The following SEC24A variants were observed in gnomAD, a reference collection of about 807,000 sequenced individuals.
SEC24A encodes the protein SEC24 homolog A, COPII component.
A neutral mutation model predicts 129.4 loss-of-function variants in SEC24A; 93 were observed. That is an observed-to-expected ratio of 0.72 (90% CI 0.61 to 0.85). The LOEUF (loss-of-function observed/expected upper bound fraction) is 0.85. SEC24A is among the 40% of genes least tolerant of loss of function. The probability of loss-of-function intolerance (pLI) is 0.00; values close to 1 mark genes in which losing one functional copy is unlikely to be tolerated. For synonymous variants in SEC24A, 460 were observed against 467.3 expected, an observed-to-expected ratio of 0.98 and a Z score of 0.20; for missense variants, 1,264 against 1,307.4, an observed-to-expected ratio of 0.97 and a Z score of 0.51.
intron 19 of SEC24A, among the ~76,000 whole-genome samples, chr5:134,716,779 CAAT>C (rs1752487862): frequency 1.3e-5 from 1 of 79,964 alleles, no homozygotes. Context: ...GCCTGAGTGA[CAAT>C]AGAGCAAGAT....
chr5:134,722,192 G>T (rs1752645611), intron 21 of SEC24A, among the ~76,000 whole-genome samples: 2 of 151,838 alleles, frequency 1.3e-5, no homozygotes, highest in Non-Finnish European at 2.9e-5. Context: ...CTACTTTGGT[G>T]TAACAATGGC....
chr5:134,671,618 T>C (rs1750866018), intron 3 of SEC24A, among the ~76,000 whole-genome samples, 191 bp from the exon 4 acceptor site: 1 of 152,224 alleles, frequency 6.6e-6, no homozygotes, highest in African/African-American at 2.4e-5. Flanking sequence ...TTCCTTTCCC[T>C]GAAGTTGCAG....
At chr5:134,712,883 G>T (rs1580737041) in intron 18 of SEC24A, among the ~76,000 whole-genome samples, 3 of 136,752 alleles carry the variant, frequency 2.2e-5, no homozygotes, top group East Asian at 4.5e-4. Context: ...CTCCCAAATT[G>T]TTGGGATTAC....
intron 20 of SEC24A, 46 bp from the exon 21 acceptor site, chr5:134,720,951 AC>A (rs1232987708): frequency 9.9e-7 from 1 of 1,014,438 alleles, no homozygotes; most frequent in Non-Finnish European, 1.6e-6. Context: ...CAACAGACTC[AC>A]CTTTATGTAT....
chr5:134,650,963 C>T (rs990195728), intron 1 of SEC24A, among the ~76,000 whole-genome samples: 2 of 151,824 alleles, frequency 1.3e-5, no homozygotes, highest in Middle Eastern at 3.4e-3. Context: ...TTAGTAGAGA[C>T]GGGGTTTCAC....
At chr5:134,718,503 A>G (rs1227344254) in intron 20 of SEC24A, among the ~76,000 whole-genome samples, 1 of 152,160 alleles carries the variant, frequency 6.6e-6, no homozygotes, top group Non-Finnish European at 1.5e-5. Context: ...AGATCTTATT[A>G]TCATAGGAGA....
intron 5 of SEC24A, 132 bp downstream of exon 5, chr5:134,674,907 C>G (rs906178647): frequency 4.4e-5 from 49 of 1,104,660 alleles, no homozygotes; most frequent in East Asian, 2.9e-4. Flanking sequence ...TTTCATAAAG[C>G]CTTTGTCTTT....
intron 15 of SEC24A, chr5:134,701,241 G>C (rs1345344590): frequency 6.6e-6 from 1 of 152,168 alleles, no homozygotes; most frequent in Non-Finnish European, 1.5e-5. Context: ...TTCTCTGTAT[G>C]GTTCTAATTT....
intron 16 of SEC24A, among the ~76,000 whole-genome samples, chr5:134,705,103 T>TTTTA (rs1554141323): frequency 1.4e-5 from 2 of 140,440 alleles, no homozygotes; most frequent in African/African-American, 5.2e-5. Flanking sequence ...TTTTTTTTTT[T>TTTTA]AATTAATTTA....
intron 22 of SEC24A, 129 bp downstream of exon 22, chr5:134,723,799 C>T: frequency 1.7e-6 from 1 of 599,410 alleles, no homozygotes; most frequent in African/African-American, 1.9e-5. Context: ...TAAATCATAC[C>T]TTATATCCAA....
chr5:134,724,417 C>T (rs1362018832), intron 22 of SEC24A, among the ~76,000 whole-genome samples: 2 of 151,992 alleles, frequency 1.3e-5, no homozygotes, highest in African/African-American at 4.8e-5. Flanking sequence ...GGAGAAACCC[C>T]GTCTCTACTA....
chr5:134,701,515 T>C (rs77824659), intron 15 of SEC24A, among the ~76,000 whole-genome samples: 2 of 2,428 alleles, frequency 8.2e-4, no homozygotes, highest in African/African-American at 8.9e-3. Flanking sequence ...TTTGCCCTCT[T>C]TTTTTTTTTT....
At chr5:134,705,137 C>T (rs1752122873) in intron 16 of SEC24A, among the ~76,000 whole-genome samples, 190 bp from the exon 17 acceptor site, 1 of 144,714 alleles carries the variant, frequency 6.9e-6, no homozygotes, top group Non-Finnish European at 1.5e-5. Flanking sequence ...GATGGAGTCT[C>T]ACTGTATTGC....
At position 134,723,609 on chromosome 5, in the gene SEC24A, A is replaced by G. The variant is rs1358478208; in HGVS notation, c.3106A>G (p.Ile1036Val). 1.9e-6 allele frequency: 3 copies of G among 1,613,626 alleles called. No homozygotes were observed. In the South Asian group the frequency reaches 3.3e-5, roughly 18 times the overall value. The change falls in exon 22 of 23, where the codon ATA becomes GTA. Residue 1036 changes from isoleucine (I) to valine (V), a missense_variant. Ile to Val is a conservative substitution (Grantham distance 29). Coordinates refer to ENST00000398844, the MANE Select transcript of SEC24A (RefSeq NM_021982.3). ...ELDTPESARI[I>V]AFISWLREQR... ...TGATACACCAGAATCTGCCAGAATAATAGCTTTCATCTCTTGGCTTAGAGA... is the reference window on the plus strand; with the variant it reads ...TGATACACCAGAATCTGCCAGAATAGTAGCTTTCATCTCTTGGCTTAGAGA...
chr5:134,670,823 A>G (rs772044248), intron 3 of SEC24A, among the ~76,000 whole-genome samples: 100 of 152,124 alleles, frequency 6.6e-4, no homozygotes, highest in Non-Finnish European at 4.7e-4. Flanking sequence ...CCCTGTCTCT[A>G]CTAAAATACA....
chr5:134,654,865 C>T (rs936466846), intron 1 of SEC24A, among the ~76,000 whole-genome samples: 1 of 152,046 alleles, frequency 6.6e-6, no homozygotes, highest in Non-Finnish European at 1.5e-5. Context: ...TACAGGTGTG[C>T]GTCACCATGC....
rs776304776 is a variant in SEC24A, at chr5:134,708,713, C to T, written c.2552C>T (p.Ala851Val). ...TTGTCCTTACCCTCACCTTGCTTAG[C>T]TGTTGACAGATCTATGACTGCCAGT... is the stretch of plus-strand genomic sequence containing the variant. ...QAISGLLANM[A>V]VDRSMTASLS... Residue 851 changes from alanine (A) to valine (V), a missense_variant and splice_region_variant, in exon 18 of 23, where the codon GCT (alanine) becomes GTT (valine). Coordinates refer to ENST00000398844, the MANE Select transcript of SEC24A (RefSeq NM_021982.3). The T allele has an allele frequency of 3.1e-6, 5 of 1,611,616 alleles. No individual in the cohort carries two copies. The highest frequency in any genetic ancestry group is 1.3e-5 in the African/African-American group (1 of 74,882).
chr5:134,651,592 G>A (rs919515184), intron 1 of SEC24A, among the ~76,000 whole-genome samples: 1 of 151,078 alleles, frequency 6.6e-6, no homozygotes, highest in Admixed American at 6.6e-5. Context: ...CACCACGCCC[G>A]GCCTAATGTA....
chr5:134,694,197 A>G (rs1751748974), intron 13 of SEC24A, among the ~76,000 whole-genome samples: 1 of 152,146 alleles, frequency 6.6e-6, no homozygotes, highest in Non-Finnish European at 1.5e-5. Flanking sequence ...AATATGCTTG[A>G]TAGGGACAAA....
Sources: gnomAD v4.1 joint callset for allele counts (sites outside exome capture counted in the v4.1 genomes callset) on GRCh38, gnomAD v4.1.1 for gene constraint, MANE v1.5 for transcripts, NCBI Gene and HGNC (gene_info 2026-07-23, HGNC 2026-07-21) for gene names.